Variants in STAB1 observed in about 807,000 individuals in gnomAD.
STAB1 encodes stabilin-1.
Under a neutral mutation model 332.4 loss-of-function variants are expected in STAB1, and 250 were observed. The ratio of observed to expected loss-of-function variants is 0.75; its 90% CI spans 0.68 to 0.84. The LOEUF is 0.84. Ranked by LOEUF, STAB1 falls within the 40% of genes least tolerant of loss-of-function variation. The pLI is 0.00. For synonymous variants in STAB1, 1,475 were observed against 1,390.4 expected, an observed-to-expected ratio of 1.06 and a Z score of -1.35; for missense variants, 3,249 against 3,489.7, an observed-to-expected ratio of 0.93 and a Z score of 1.74.
intron 46 of STAB1, 35 bp downstream of exon 46, chr3:52,518,394 G>T (rs2078948738): frequency 6.2e-7 from 1 of 1,606,620 alleles, no homozygotes; most frequent in South Asian, 1.1e-5. Flanking sequence ...TGACCTGCAA[G>T]TCCCACCCCT....
chr3:52,521,619 C>T lies in STAB1; in HGVS notation c.6082C>T (p.Arg2028Cys), dbSNP rs753361423. The T allele has an allele frequency of 1.4e-5, 22 of 1,612,912 alleles. No homozygotes were observed. The highest frequency in any genetic ancestry group is 1.6e-4 in the Middle Eastern group (1 of 6,082). Residue 2028 changes from arginine (R) to cysteine (C), a missense_variant, in exon 57 of 69, where the codon CGC (arginine) becomes TGC (cysteine). Transcript: ENST00000321725. ...CQACRCTVHGRCDEGLGGSGS... is the reference protein window; with the variant it reads ...CQACRCTVHGCCDEGLGGSGS... ...AGCCTGCCGCTGCACTGTGCATGGC[C>T]GCTGTGATGAGGGCCTTGGGGGCTC...
At chr3:52,511,910 C>G (rs376663293) in intron 26 of STAB1, among the ~76,000 whole-genome samples, 165 bp downstream of exon 26, 1 of 152,218 alleles carries the variant, frequency 6.6e-6, no homozygotes, top group African/African-American at 2.4e-5. Flanking sequence ...CCCCTTCACC[C>G]GCCCCTGCCC....
chr3:52,504,190 C>T (rs1211793978), intron 10 of STAB1, 35 bp downstream of exon 10: 1 of 1,563,364 alleles, frequency 6.4e-7, no homozygotes, highest in Non-Finnish European at 8.6e-7. Flanking sequence ...CGACCCGACC[C>T]CTCACCCCCA....
chr3:52,504,821 G>T lies in STAB1; in HGVS notation c.1322G>T (p.Arg441Leu), dbSNP rs755085341. The change falls in exon 12 of 69, where the codon CGA becomes CTA. Residue 441 changes from arginine (R) to leucine (L), a missense_variant. Arg to Leu is a moderately radical substitution (Grantham distance 102). Coordinates refer to ENST00000321725, the MANE Select transcript of STAB1 (RefSeq NM_015136.3). ...ILEDTRTQQT[R>L]RWWTLAGQEI... ...GAGGACACAAGGACCCAACAAACACGAAGGTGGTGGACGCTGGCCGGGCAG... is the reference window on the plus strand; with the variant it reads ...GAGGACACAAGGACCCAACAAACACTAAGGTGGTGGACGCTGGCCGGGCAG... 6.2e-7 allele frequency: 1 copy of T among 1,613,860 alleles called. No individual in the cohort carries two copies. The highest frequency in any genetic ancestry group is 1.1e-5 in the South Asian group (1 of 91,088).
chr3:52,521,773 G>A (rs1168083274), intron 57 of STAB1, 71 bp from the exon 58 acceptor site: 1 of 1,602,728 alleles, frequency 6.2e-7, no homozygotes, highest in African/African-American at 1.3e-5. Flanking sequence ...GGCACCAAGG[G>A]TGGGTGGAAC....
chr3:52,500,373 C>T (rs1317063436), intron 1 of STAB1, among the ~76,000 whole-genome samples: 2 of 152,364 alleles, frequency 1.3e-5, no homozygotes, highest in Admixed American at 1.3e-4. Context: ...TCCTCAGAGG[C>T]TGGCATGGCC....
Position 52,510,251 on chromosome 3 carries a change from C to G in STAB1, c.2628+16C>G. On this transcript the variant is annotated intron_variant, in intron 24 of 68. Transcript: ENST00000321725. Reference sequence around the variant, plus strand: ...CTCAGAGAATGTCAGTCCCCTTGCTCCTTCCCTGAAGTTCTGACCCAGAGG... The same window carrying G: ...CTCAGAGAATGTCAGTCCCCTTGCTGCTTCCCTGAAGTTCTGACCCAGAGG... 1.2e-6 allele frequency: 2 copies of G among 1,614,084 alleles called. No homozygotes were observed. The highest frequency in any genetic ancestry group is 1.7e-6 in the Non-Finnish European group (2 of 1,180,022).
At position 52,503,414 on chromosome 3, in the gene STAB1, TC is replaced by T. The variant is rs1370517855; in HGVS notation, c.766del (p.Gln256SerfsTer79). The T allele has an allele frequency of 1.9e-6, 3 of 1,613,682 alleles. No homozygotes were observed. In the East Asian group the frequency reaches 6.7e-5, roughly 36 times the overall value. The stretch of plus-strand genomic sequence containing the variant: ...GCTCGGTGAGCCCCAAGGGGCAGGC[TC>T]AGTGTCACTGCCCTGAGAACTACCA... ...QCSVSPKGQA[Q>X]CHCPENYHGD... is the part of the protein sequence containing the mutation. On this transcript the variant is annotated frameshift_variant, in exon 8 of 69. Transcript: ENST00000321725. LOFTEE classifies it high-confidence loss of function.
In STAB1 at chr3:52,503,650, AAGTGGGGAGAGGATAAGGGTCCTCTTC is replaced by A. The variant is rs557942294; in HGVS notation, c.891+113_892-93del. On this transcript the variant is annotated intron_variant, in intron 8 of 68. Transcript: ENST00000321725. ...GGTAGCCTCAGTTTCCCCACTTGTAAAGTGGGGAGAGGATAAGGGTCCTCTTCAGGGAGGGGCTGAGCAGGGCTCTAT... is the reference window on the plus strand; with the variant it reads ...GGTAGCCTCAGTTTCCCCACTTGTAAAGGGAGGGGCTGAGCAGGGCTCTAT... The A allele has an allele frequency of 2.3e-4, 353 of 1,561,518 alleles. 2 individuals carry two copies. Among genetic ancestry groups the A allele is most frequent in the Admixed American group, 1.3e-3 (73 of 55,868 alleles).
Position 52,514,106 on chromosome 3 carries a change from C to T in STAB1, c.3448-9C>T, listed in dbSNP as rs1341663887. 1 of 1,612,974 alleles carries T rather than the reference C, an allele frequency of 6.2e-7. No homozygotes were observed. Among genetic ancestry groups the T allele is most frequent in the African/African-American group, 1.3e-5 (1 of 74,918 alleles). ...ATATGCCCATCCCTGACCTCCACCCCATCCCTAGCACCATGGGTTGGTGCC... is the reference window on the plus strand; with the variant it reads ...ATATGCCCATCCCTGACCTCCACCCTATCCCTAGCACCATGGGTTGGTGCC... On this transcript the variant is annotated splice_polypyrimidine_tract_variant and intron_variant, in intron 32 of 68. Coordinates refer to ENST00000321725, the MANE Select transcript of STAB1 (RefSeq NM_015136.3).
Position 52,501,291 on chromosome 3 carries a change from C to T in STAB1, c.204C>T (p.Thr68=), listed in dbSNP as rs1400051753. 1.2e-6 allele frequency: 2 copies of T among 1,613,180 alleles called. No individual in the cohort carries two copies. Among genetic ancestry groups the T allele is most frequent in the South Asian group, 1.1e-5 (1 of 91,086 alleles). ...TGCGGGAGCTCCCGGATCAGATAAC[C>T]CAGGACTGCCGGTGCGGGCCACCCC... ...GWLRELPDQI[T]QDCRYEVQLG... Residue 68 remains threonine, a synonymous_variant, in exon 2 of 69, where the codon ACC becomes ACT. Coordinates refer to ENST00000321725, the MANE Select transcript of STAB1 (RefSeq NM_015136.3).
rs962426480 is a variant in STAB1, at chr3:52,524,232, A to C, written c.7656+19A>C. 1 of 1,614,024 alleles carries C rather than the reference A, an allele frequency of 6.2e-7. No individual in the cohort carries two copies. Among genetic ancestry groups the C allele is most frequent in the Non-Finnish European group, 8.5e-7 (1 of 1,180,000 alleles). ...CTTCGATGTAAGCATGGAAGTGAAG[A>C]AGTGTGGCAGATGTGGGATGGGCCC... On this transcript the variant is annotated intron_variant, in intron 68 of 68. Coordinates refer to ENST00000321725, the MANE Select transcript of STAB1 (RefSeq NM_015136.3).
chr3:52,506,369 G>C, intron 17 of STAB1, 119 bp downstream of exon 17: 1 of 927,962 alleles, frequency 1.1e-6, no homozygotes, highest in Non-Finnish European at 1.7e-6. Context: ...AGGCCATGGC[G>C]GGCTCATGGG....
Position 52,503,794 on chromosome 3 carries a change from G to C in STAB1, c.914G>C (p.Gly305Ala). 1 of 1,613,192 alleles carries C rather than the reference G, an allele frequency of 6.2e-7. No individual in the cohort carries two copies. The highest frequency in any genetic ancestry group is 8.5e-7 in the Non-Finnish European group (1 of 1,180,024). ...PGQAFCTCRP[G>A]LVSINSNASA... is the part of the protein sequence containing the mutation. ...CAGGCCTTCTGCACCTGCCGGCCAG[G>C]CCTGGTCAGCATCAACAGCAACGCT... The change falls in exon 9 of 69, where the codon GGC becomes GCC. Residue 305 changes from glycine to alanine, a missense_variant. By Grantham distance (60) the Gly-to-Ala change is moderately conservative. Coordinates refer to ENST00000321725, the MANE Select transcript of STAB1 (RefSeq NM_015136.3).
In STAB1 at chr3:52,516,089, G is replaced by A; in HGVS notation, c.3995G>A (p.Cys1332Tyr). 6.2e-7 allele frequency: 1 copy of A among 1,611,882 alleles called. No individual in the cohort carries two copies. Among genetic ancestry groups the A allele is most frequent in the Non-Finnish European group, 8.5e-7 (1 of 1,179,402 alleles). Residue 1332 changes from cysteine (C) to tyrosine (Y), a missense_variant, in exon 38 of 69, where the codon TGC (cysteine) becomes TAC (tyrosine). Coordinates refer to ENST00000321725, the MANE Select transcript of STAB1 (RefSeq NM_015136.3). ...TTCTTTGGCACGCTGTGTGAGCCAT[G>A]CCCAGGGGGTCTAGGGGGGGTGTGC... ...PGFFGTLCEPCPGGLGGVCSG... is the reference protein window; with the variant it reads ...PGFFGTLCEPYPGGLGGVCSG...
chr3:52,522,273 G>C (rs773046414), intron 59 of STAB1, 43 bp downstream of exon 59: 2 of 1,611,250 alleles, frequency 1.2e-6, no homozygotes, highest in African/African-American at 1.3e-5. Flanking sequence ...GGGGAGGCCT[G>C]GCAGAACTTC....
In STAB1 at chr3:52,521,393, GAC is replaced by G. The variant is rs2079067270; in HGVS notation, c.5942_5943del (p.Asp1981AlafsTer26). 6.2e-7 allele frequency: 1 copy of G among 1,613,884 alleles called. No individual in the cohort carries two copies. The highest frequency in any genetic ancestry group is 1.3e-5 in the African/African-American group (1 of 74,928). Reference sequence around the variant, plus strand: ...TGGCGGCCCCAGCAGCCCTTGTAGTGACCGTGGCGTGTGCATGGACGGCATGA... The same window carrying G: ...TGGCGGCCCCAGCAGCCCTTGTAGTGCGTGGCGTGTGCATGGACGGCATGA... ...CPGGPSSPCS[D>X]RGVCMDGMSG... is the part of the protein sequence containing the mutation. On this transcript the variant is annotated frameshift_variant, in exon 56 of 69. Transcript: ENST00000321725. LOFTEE classifies it high-confidence loss of function.
At chr3:52,500,460 C>G (rs1578348997) in intron 1 of STAB1, among the ~76,000 whole-genome samples, 1 of 152,242 alleles carries the variant, frequency 6.6e-6, no homozygotes, top group African/African-American at 2.4e-5. Context: ...GTGAGCCCAG[C>G]CTCTCAGGGC....
intron 1 of STAB1, among the ~76,000 whole-genome samples, chr3:52,500,683 T>C (rs1423597134): frequency 1.3e-5 from 2 of 152,230 alleles, no homozygotes; most frequent in African/African-American, 4.8e-5. Flanking sequence ...AGCTCTGTCA[T>C]TTATTGTTTC....
Sources: gnomAD v4.1 joint callset for allele counts (sites outside exome capture counted in the v4.1 genomes callset) on GRCh38, gnomAD v4.1.1 for gene constraint, MANE v1.5 for transcripts, NCBI Gene and HGNC (gene_info 2026-07-23, HGNC 2026-07-21) for gene names.